The following ANKAR variants were observed in gnomAD, a reference collection of about 807,000 sequenced individuals.
ANKAR encodes the protein ankyrin and armadillo repeat containing.
ANKAR carries 136 observed loss-of-function variants against 146.2 expected under a neutral mutation model. The observed-to-expected ratio is 0.93, with a 90% CI of 0.81 to 1.07. The LOEUF (loss-of-function observed/expected upper bound fraction) is 1.07. Among genes scored for constraint, ANKAR ranks in the 50% least tolerant of loss-of-function variants. The pLI is 0.00. For missense variants in ANKAR, 1,567 were observed against 1,679.9 expected (o/e 0.93, Z 1.18); for synonymous variants, 500 against 575.8 (o/e 0.87, Z 1.88).
At chr2:189,722,339 A>AAAAAT (rs386392128) in intron 12 of ANKAR, among the ~76,000 whole-genome samples, 31 of 894 alleles carry the variant, frequency 0.035, no homozygotes, top group Admixed American at 0.31. Context: ...ACTCCATCTC[A>AAAAAT]AAAAAAAAAA....
At chr2:189,699,436 A>G (rs934281501) in intron 7 of ANKAR, among the ~76,000 whole-genome samples, 1 of 152,090 alleles carries the variant, frequency 6.6e-6, no homozygotes, top group African/African-American at 2.4e-5. Context: ...TTCATTTACA[A>G]TTATTCCAAG....
At chr2:189,704,035 A>G (rs950844626) in intron 7 of ANKAR, among the ~76,000 whole-genome samples, 4 of 152,174 alleles carry the variant, frequency 2.6e-5, no homozygotes, top group Non-Finnish European at 4.4e-5. Flanking sequence ...CAGGTAGTAA[A>G]GGTATGAATT....
At chr2:189,711,976 G>T (rs1417832585) in intron 10 of ANKAR, among the ~76,000 whole-genome samples, 3 of 152,210 alleles carry the variant, frequency 2.0e-5, no homozygotes, top group Non-Finnish European at 2.9e-5. Flanking sequence ...CCACACTGAT[G>T]GAGCCTTGCT....
chr2:189,751,450 T>TG (rs1362954681), downstream of ANKAR, among the ~76,000 whole-genome samples: 5 of 150,574 alleles, frequency 3.3e-5, no homozygotes, highest in African/African-American at 9.8e-5. Flanking sequence ...TTGTGTTTTT[T>TG]TTTTTTTTTT....
At chr2:189,692,555 A>C in intron 4 of ANKAR, 137 bp downstream of exon 4, 1 of 739,784 alleles carries the variant, frequency 1.4e-6, no homozygotes, top group Non-Finnish European at 2.1e-6. Context: ...TAATTTTTTC[A>C]TACATTATTT....
chr2:189,740,672 A>G (rs1265461259), intron 19 of ANKAR, among the ~76,000 whole-genome samples: 1 of 148,020 alleles, frequency 6.8e-6, no homozygotes, highest in Non-Finnish European at 1.5e-5. Context: ...ACTCAAAGCC[A>G]TTTCAACCGC....
chr2:189,744,029 A>G (rs2043717079), intron 21 of ANKAR, among the ~76,000 whole-genome samples: 1 of 152,214 alleles, frequency 6.6e-6, no homozygotes, highest in Non-Finnish European at 1.5e-5. Context: ...TACTATGGGT[A>G]TATTTTCTCT....
Position 189,676,562 on chromosome 2 carries a change from T to A in ANKAR, c.72T>A (p.Asn24Lys). 6.2e-7 allele frequency: 1 copy of A among 1,607,698 alleles called. No homozygotes were observed. ...QVQDEDTYLE[N>K]LAIQRNASAF... ...AGGATGAAGACACCTACCTGGAAAA[T>A]TTAGCAATACAAAGAAATGCATCTG... Residue 24 changes from asparagine (N) to lysine (K), a missense_variant, in exon 2 of 23, where the codon AAT (asparagine) becomes AAA (lysine). Transcript: ENST00000684021.
intron 18 of ANKAR, among the ~76,000 whole-genome samples, chr2:189,738,304 T>A (rs1460213760): frequency 6.6e-6 from 1 of 152,098 alleles, no homozygotes; most frequent in Admixed American, 6.6e-5. Context: ...GTAATTTCTA[T>A]GAACCCATAT....
At chr2:189,750,614 A>C, downstream of ANKAR, 13 of 1,592,768 alleles carry the variant, frequency 8.2e-6, no homozygotes, top group Non-Finnish European at 1.1e-5. Flanking sequence ...CTTTTATGGA[A>C]GCTTCTCCAA....
Position 189,677,093 on chromosome 2 carries a change from T to C in ANKAR, c.601+2T>C. The C allele has an allele frequency of 2.7e-6, 4 of 1,506,644 alleles. No individual in the cohort carries two copies. Among genetic ancestry groups the C allele is most frequent in the Non-Finnish European group, 3.5e-6 (4 of 1,136,730 alleles). The allele number at this position is 1,506,644 out of a possible 1,614,324, so 93.3% of individuals were successfully genotyped here. On this transcript the variant is annotated splice_donor_variant, in intron 2 of 22. Coordinates refer to ENST00000684021, the MANE Select transcript of ANKAR (RefSeq NM_001378068.1). LOFTEE classifies it high-confidence loss of function. ...TTTTTTCAGAGTTTAGTTCAGCAGG[T>C]AAGAGAATTTAACACTTCTTAAATT...
downstream of ANKAR, among the ~76,000 whole-genome samples, chr2:189,750,233 G>A (rs2044940062): frequency 6.6e-6 from 1 of 152,142 alleles, no homozygotes; most frequent in Non-Finnish European, 1.5e-5. Flanking sequence ...ATTTGAGGAA[G>A]TGGGGGAAAG....
Position 189,743,279 on chromosome 2 carries a change from G to C in ANKAR, c.3815G>C (p.Arg1272Pro). The change falls in exon 21 of 23, where the codon CGT becomes CCT. Residue 1272 changes from arginine (R) to proline (P), a missense_variant. Coordinates refer to ENST00000684021, the MANE Select transcript of ANKAR (RefSeq NM_001378068.1). Reference sequence around the variant, plus strand: ...AAGAATTGTTTCTTCATTTAGGTTCGTGCAGCTTGTTCCTCTGCTCTTGGC... The same window carrying C: ...AAGAATTGTTTCTTCATTTAGGTTCCTGCAGCTTGTTCCTCTGCTCTTGGC... ...YHLYSGIEEV[R>P]AACSSALGYL... The C allele has an allele frequency of 1.2e-6, 2 of 1,612,936 alleles. No homozygotes were observed. Among genetic ancestry groups the C allele is most frequent in the Non-Finnish European group, 1.7e-6 (2 of 1,179,296 alleles).
At chr2:189,731,329 T>A (rs532131744) in intron 16 of ANKAR, among the ~76,000 whole-genome samples, 3 of 151,822 alleles carry the variant, frequency 2.0e-5, no homozygotes, top group African/African-American at 7.3e-5. Flanking sequence ...AGAAATAACA[T>A]AGGAGGACAA....
chr2:189,724,807 A>G (rs1377130670), intron 12 of ANKAR, among the ~76,000 whole-genome samples: 3 of 152,170 alleles, frequency 2.0e-5, no homozygotes, highest in Non-Finnish European at 4.4e-5. Context: ...ATGCACAAAC[A>G]CTTTTCTATT....
In ANKAR at chr2:189,746,556, C is replaced by A; in HGVS notation, c.4234C>A (p.Pro1412Thr). 1 of 1,613,662 alleles carries A rather than the reference C, an allele frequency of 6.2e-7. No individual in the cohort carries two copies. Among genetic ancestry groups the A allele is most frequent in the South Asian group, 1.1e-5 (1 of 90,996 alleles). ...ITSDITNVSR[P>T]RIVCLNQLGK... The stretch of plus-strand genomic sequence containing the variant: ...ATCAGATATCACAAATGTATCAAGA[C>A]CAAGAATAGTGTGTTTGAACCAACT... Residue 1412 changes from proline to threonine, a missense_variant, in exon 23 of 23, where the codon CCA becomes ACA. Coordinates refer to ENST00000684021, the MANE Select transcript of ANKAR (RefSeq NM_001378068.1).
At chr2:189,744,647 C>A in intron 21 of ANKAR, 95 bp from the exon 22 acceptor site, 1 of 824,052 alleles carries the variant, frequency 1.2e-6, no homozygotes, top group Non-Finnish European at 2.0e-6. Flanking sequence ...AGGCATTAAA[C>A]CTGGTACTGT....
chr2:189,680,733 T>C (rs2034522996), intron 2 of ANKAR, among the ~76,000 whole-genome samples: 2 of 152,162 alleles, frequency 1.3e-5, no homozygotes, highest in African/African-American at 4.8e-5. Context: ...CGTGTGTTTA[T>C]ATAGTTTTGC....
At chr2:189,746,947 T>C (rs2044234375), downstream of ANKAR, 1 of 173,870 alleles carries the variant, frequency 5.8e-6, no homozygotes, top group South Asian at 1.7e-4. Context: ...TGATTCAAAG[T>C]AGCTCACATG....
Sources: gnomAD v4.1 joint callset for allele counts (sites outside exome capture counted in the v4.1 genomes callset) on GRCh38, gnomAD v4.1.1 for gene constraint, MANE v1.5 for transcripts, NCBI Gene and HGNC (gene_info 2026-07-23, HGNC 2026-07-21) for gene names.